Variants in RALGAPB observed in about 807,000 individuals in gnomAD.
RALGAPB encodes Ral GTPase activating protein non-catalytic subunit beta, also known as ral GTPase-activating protein subunit beta.
RALGAPB carries 25 observed loss-of-function variants against 161.1 expected under a neutral mutation model. The observed-to-expected ratio is 0.16, with a 90% CI of 0.11 to 0.22. The LOEUF (loss-of-function observed/expected upper bound fraction) is 0.22, where lower values mean the gene tolerates loss of function less well. RALGAPB is among the 10% of genes least tolerant of loss of function. The probability of loss-of-function intolerance (pLI) is 1.00; values close to 1 mark genes in which losing one functional copy is unlikely to be tolerated. For synonymous variants in RALGAPB, 629 were observed against 626.1 expected, an observed-to-expected ratio of 1.00 and a Z score of -0.07; for missense variants, 1,391 against 1,815.2, an observed-to-expected ratio of 0.77 and a Z score of 4.25.
chr20:38,534,629 G>A (rs948090950), intron 15 of RALGAPB, among the ~76,000 whole-genome samples: 1 of 152,144 alleles, frequency 6.6e-6, no homozygotes, highest in Admixed American at 6.5e-5. Flanking sequence ...CTTAAACCCT[G>A]TAAGTAATTT....
chr20:38,540,026 A>T, intron 17 of RALGAPB, 68 bp downstream of exon 17: 1 of 1,396,000 alleles, frequency 7.2e-7, no homozygotes, highest in Non-Finnish European at 9.9e-7. Context: ...GCCTTTTGAA[A>T]GAGAATATCT....
At chr20:38,542,089 TG>T in intron 18 of RALGAPB, among the ~76,000 whole-genome samples, 4 of 152,254 alleles carry the variant, frequency 2.6e-5, no homozygotes, top group Admixed American at 2.6e-4. Context: ...GTGGACTGAA[TG>T]GAACAGTTAG....
intron 3 of RALGAPB, among the ~76,000 whole-genome samples, chr20:38,495,817 C>T (rs1334962227): frequency 6.6e-6 from 1 of 151,974 alleles, no homozygotes; most frequent in African/African-American, 2.4e-5. Context: ...TTTAGGCCTT[C>T]TGAATGAGGA....
At position 38,566,913 on chromosome 20, in the gene RALGAPB, G is replaced by A. The variant is rs567304307; in HGVS notation, c.3818-183G>A. On this transcript the variant is annotated intron_variant, in intron 25 of 29. Transcript: ENST00000262879. Reference sequence around the variant, plus strand: ...GAAGAATATGCGAGAGATCTGTATAGCCAGCAAAGCCTAAAATACTTAGTA... The same window carrying A: ...GAAGAATATGCGAGAGATCTGTATAACCAGCAAAGCCTAAAATACTTAGTA... Among the ~76,000 whole-genome samples the A allele has an allele frequency of 9.8e-5, 15 of 152,332 alleles. No homozygotes were observed. The South Asian group carries it at 3.1e-3, about 32-fold the overall frequency.
intron 18 of RALGAPB, among the ~76,000 whole-genome samples, chr20:38,545,909 A>G (rs2087147003): frequency 1.3e-5 from 2 of 152,216 alleles, no homozygotes; most frequent in South Asian, 4.1e-4. Flanking sequence ...GATATCAGAT[A>G]GGTTGCTGGT....
At chr20:38,488,813 C>T (rs2085194103) in intron 2 of RALGAPB, among the ~76,000 whole-genome samples, 195 bp downstream of exon 2, 2 of 152,114 alleles carry the variant, frequency 1.3e-5, no homozygotes, top group African/African-American at 2.4e-5. Context: ...GGCTGGGACT[C>T]GGAGTTTGTG....
chr20:38,488,898 C>T (rs939784430), intron 2 of RALGAPB, among the ~76,000 whole-genome samples: 6 of 152,160 alleles, frequency 3.9e-5, no homozygotes, highest in Admixed American at 6.5e-5. Context: ...TCCACTTGAG[C>T]TGAAGGCCAA....
intron 1 of RALGAPB, among the ~76,000 whole-genome samples, chr20:38,473,912 T>A (rs2084725241): frequency 6.6e-6 from 1 of 152,192 alleles, no homozygotes; most frequent in Non-Finnish European, 1.5e-5. Flanking sequence ...TTGATAATTC[T>A]GCATCTCAAA....
rs779408209 is a variant in RALGAPB at position 38,516,273 on chromosome 20, G to A, written c.954G>A (p.Met318Ile). The change falls in exon 7 of 30, where the codon ATG becomes ATA. Residue 318 changes from methionine to isoleucine, a missense_variant. By Grantham distance (10) the Met-to-Ile change is conservative. Around this residue, in one of 3 missense-constraint regions of RALGAPB, gnomAD observed 946 missense variants for 1,257.2 expected, o/e 0.75. Coordinates refer to ENST00000262879, the MANE Select transcript of RALGAPB (RefSeq NM_020336.4). ...AACAGTTCTTGAATGTGAGCGGAAT[G>A]CCGCAAGAATTGAATCAGTATCCCT... is the stretch of plus-strand genomic sequence containing the variant. ...FQEQFLNVSGMPQELNQYPCL... is the reference protein window; with the variant it reads ...FQEQFLNVSGIPQELNQYPCL... The A allele has an allele frequency of 5.0e-6, 8 of 1,613,598 alleles. No homozygotes were observed. In the Admixed American group the frequency reaches 1.3e-4, roughly 27 times the overall value.
chr20:38,479,002 C>T (rs1045963656), intron 1 of RALGAPB, among the ~76,000 whole-genome samples: 19 of 152,306 alleles, frequency 1.2e-4, no homozygotes, highest in Admixed American at 5.9e-4. Flanking sequence ...CCACCCGCCT[C>T]GGCCTCCCAA....
intron 11 of RALGAPB, among the ~76,000 whole-genome samples, 155 bp downstream of exon 11, chr20:38,525,100 C>G (rs2086418012): frequency 6.6e-6 from 1 of 152,184 alleles, no homozygotes; most frequent in Non-Finnish European, 1.5e-5. Context: ...CCAAACCCAC[C>G]TCATCCCTGA....
In RALGAPB at chr20:38,518,608, T is replaced by G. The variant is rs190665863; in HGVS notation, c.1417+608T>G. 1.3e-4 allele frequency among the ~76,000 whole-genome samples: 19 copies of G among 151,966 alleles called. No homozygotes were observed. The East Asian group carries it at 3.5e-3, about 28-fold the overall frequency. ...AAGGAAACTGTCTAAGAGCTGGTGG[T>G]TTTTTTTGTCATCTTAACTATTATA... is the stretch of plus-strand genomic sequence containing the variant. On this transcript the variant is annotated intron_variant, in intron 9 of 29. Transcript: ENST00000262879.
chr20:38,513,682 A>G (rs2086041757), intron 6 of RALGAPB, among the ~76,000 whole-genome samples: 1 of 151,896 alleles, frequency 6.6e-6, no homozygotes. Context: ...AATATAAATA[A>G]ACTATAGTAC....
intron 14 of RALGAPB, among the ~76,000 whole-genome samples, chr20:38,532,180 C>T (rs1173394948): frequency 2.6e-5 from 4 of 152,142 alleles, no homozygotes; most frequent in Admixed American, 6.5e-5. Flanking sequence ...CTCAGCCTCC[C>T]GAGTAGCTGG....
At chr20:38,525,640 A>T (rs2086439395) in intron 12 of RALGAPB, 122 bp downstream of exon 12, 2 of 863,688 alleles carry the variant, frequency 2.3e-6, no homozygotes, top group Non-Finnish European at 3.6e-6. Context: ...TTATTTCATC[A>T]AGTTATTTCA....
intron 5 of RALGAPB, among the ~76,000 whole-genome samples, chr20:38,502,278 A>G (rs925040024): frequency 2.0e-5 from 3 of 152,178 alleles, no homozygotes; most frequent in African/African-American, 7.2e-5. Flanking sequence ...TCTCAGTAAA[A>G]AGTGATGTCT....
intron 5 of RALGAPB, among the ~76,000 whole-genome samples, chr20:38,507,705 C>CT (rs890475079): frequency 1.5e-4 from 22 of 147,250 alleles, no homozygotes; most frequent in Admixed American, 7.4e-4. Flanking sequence ...TTTTGTTTTT[C>CT]TTTTTTTTTT....
chr20:38,556,655 A>G (rs1434432736), intron 22 of RALGAPB, among the ~76,000 whole-genome samples: 1 of 152,186 alleles, frequency 6.6e-6, no homozygotes, highest in Non-Finnish European at 1.5e-5. Flanking sequence ...ACAATTATTA[A>G]GAGATATAAA....
chr20:38,535,797 C>G lies in RALGAPB; in HGVS notation c.2379+590C>G, dbSNP rs140638772. Reference sequence around the variant, plus strand: ...ATGGGGTTTCACCATGTTGGCCAGGCTGATCTCGAACTTCTGACCTCAGGT... The same window carrying G: ...ATGGGGTTTCACCATGTTGGCCAGGGTGATCTCGAACTTCTGACCTCAGGT... On this transcript the variant is annotated intron_variant, in intron 16 of 29. Coordinates refer to ENST00000262879, the MANE Select transcript of RALGAPB (RefSeq NM_020336.4). 1.2e-3 allele frequency among the ~76,000 whole-genome samples: 187 copies of G among 152,270 alleles called. 2 individuals carry two copies. In the East Asian group the frequency reaches 0.022, roughly 18 times the overall value.
Sources: gnomAD v4.1 joint callset for allele counts (sites outside exome capture counted in the v4.1 genomes callset) on GRCh38, gnomAD v4.1.1 for gene constraint, gnomAD v4.1.1 regional missense constraint, MANE v1.5 for transcripts, NCBI Gene and HGNC (gene_info 2026-07-23, HGNC 2026-07-21) for gene names.